EIF5B: variants seen among roughly 807,000 people sequenced by gnomAD.
EIF5B encodes eIF-5B.
EIF5B carries 47 observed loss-of-function variants against 147.5 expected under a neutral mutation model. The observed-to-expected ratio is 0.32, with a 90% CI of 0.25 to 0.41. The LOEUF (loss-of-function observed/expected upper bound fraction) is 0.41. Ranked by LOEUF, EIF5B falls within the 10% of genes least tolerant of loss-of-function variation. EIF5B has a pLI of 1.00. For synonymous variants in EIF5B, 455 were observed against 456.2 expected, an observed-to-expected ratio of 1.00 and a Z score of 0.03; for missense variants, 1,064 against 1,413.2, an observed-to-expected ratio of 0.75 and a Z score of 3.96.
intron 1 of EIF5B, among the ~76,000 whole-genome samples, chr2:99,352,250 C>T (rs1159709395): frequency 6.6e-6 from 1 of 152,012 alleles, no homozygotes; most frequent in African/African-American, 2.4e-5. Flanking sequence ...GGCTGGAGTG[C>T]AATGGTATGA....
At chr2:99,378,759 G>A (rs2104222023) in intron 10 of EIF5B, among the ~76,000 whole-genome samples, 1 of 152,220 alleles carries the variant, frequency 6.6e-6, no homozygotes, top group South Asian at 2.1e-4. Flanking sequence ...CAAAAATTTT[G>A]AAATGACACT....
Position 99,399,301 on chromosome 2 carries a change from T to C in EIF5B, c.3556-6T>C. The C allele has an allele frequency of 6.2e-7, 1 of 1,613,934 alleles. No homozygotes were observed. Among genetic ancestry groups the C allele is most frequent in the Non-Finnish European group, 8.5e-7 (1 of 1,179,910 alleles). ...GTTTACCCTGTTTGTGCCTCGGGCA[T>C]TGCAGATCAGCCGGCAGTCCATTGA... On this transcript the variant is annotated splice_region_variant and splice_polypyrimidine_tract_variant and intron_variant, in intron 23 of 23. Transcript: ENST00000289371.
chr2:99,363,938 T>C, intron 5 of EIF5B, 76 bp downstream of exon 5: 1 of 1,440,796 alleles, frequency 6.9e-7, no homozygotes, highest in Non-Finnish European at 9.4e-7. Context: ...ATCTTTACTC[T>C]TCTAATTCTG....
chr2:99,379,630 T>C (rs970459958), intron 12 of EIF5B, among the ~76,000 whole-genome samples: 2 of 152,184 alleles, frequency 1.3e-5, no homozygotes, highest in African/African-American at 4.8e-5. Context: ...GCTCTCACAT[T>C]CCATTTCCTT....
At chr2:99,380,412 C>A (rs1022089527) in intron 12 of EIF5B, among the ~76,000 whole-genome samples, 4 of 152,104 alleles carry the variant, frequency 2.6e-5, no homozygotes, top group Non-Finnish European at 5.9e-5. Flanking sequence ...TGCATTAGTC[C>A]ATTTCAGTTA....
At chr2:99,340,190 G>A (rs1348172489) in intron 1 of EIF5B, among the ~76,000 whole-genome samples, 1 of 152,044 alleles carries the variant, frequency 6.6e-6, no homozygotes. Context: ...TGGGAGATGG[G>A]GAATGGGAAG....
chr2:99,376,266 C>A (rs1674562161), intron 9 of EIF5B, 81 bp from the exon 10 acceptor site: 2 of 953,090 alleles, frequency 2.1e-6, no homozygotes, highest in Admixed American at 3.0e-5. Context: ...AGATTGGACA[C>A]CCCTGCTTTA....
intron 14 of EIF5B, among the ~76,000 whole-genome samples, chr2:99,385,129 C>G (rs1471397368): frequency 5.3e-5 from 8 of 152,154 alleles, no homozygotes; most frequent in African/African-American, 1.9e-4. Context: ...TCACCGCAAC[C>G]TCTGCCTTCC....
chr2:99,338,272 C>A (rs4850901), intron 1 of EIF5B: 564,218 of 1,269,944 alleles, frequency 0.44, 128,724 homozygotes, highest in East Asian at 0.64. Context: ...TAACCACCTG[C>A]AATGCTTTGG....
chr2:99,364,914 A>G lies in EIF5B; in HGVS notation c.1288+493A>G, dbSNP rs188823355. Among the ~76,000 whole-genome samples, 48 of 152,322 alleles carry G rather than the reference A, an allele frequency of 3.2e-4. 3 individuals carry two copies. The highest frequency in any genetic ancestry group is 1.1e-3 in the African/African-American group (47 of 41,576). On this transcript the variant is annotated intron_variant, in intron 6 of 23. Coordinates refer to ENST00000289371, the MANE Select transcript of EIF5B (RefSeq NM_015904.4). ...AACCCTTTCCTTACTTTCTGATGCA[A>G]CAAGATATCCCAGGTTCATCTTGCA...
At chr2:99,340,039 G>A (rs187713020) in intron 1 of EIF5B, among the ~76,000 whole-genome samples, 63 of 152,260 alleles carry the variant, frequency 4.1e-4, no homozygotes, top group African/African-American at 1.5e-3. Context: ...TACATTTTGT[G>A]AGTGTGTGTG....
At position 99,382,296 on chromosome 2, in the gene EIF5B, A is replaced by G. The variant is rs1450546492; in HGVS notation, c.2129+70A>G. 6 of 1,354,322 alleles carry G rather than the reference A, an allele frequency of 4.4e-6. No individual in the cohort carries two copies. In the African/African-American group the frequency reaches 7.2e-5, roughly 16 times the overall value. 83.9% of individuals were successfully genotyped at this position (1,354,322 alleles called of 1,614,324 possible). On this transcript the variant is annotated intron_variant, in intron 13 of 23. Coordinates refer to ENST00000289371, the MANE Select transcript of EIF5B (RefSeq NM_015904.4). ...ACCATTAAGTCTAAAAGTTCAGCAG[A>G]GTCATTAACCTTTGAGTAGTAATTT...
At chr2:99,369,083 G>A (rs1365387186) in intron 7 of EIF5B, among the ~76,000 whole-genome samples, 2 of 152,166 alleles carry the variant, frequency 1.3e-5, no homozygotes, top group Non-Finnish European at 2.9e-5. Flanking sequence ...GACCAGCCTG[G>A]CCAACATGAT....
In EIF5B at chr2:99,364,255, A is replaced by G; in HGVS notation, c.1138-16A>G. The G allele has an allele frequency of 4.5e-6, 7 of 1,571,984 alleles. No homozygotes were observed. Among genetic ancestry groups the G allele is most frequent in the Non-Finnish European group, 4.3e-6 (5 of 1,166,270 alleles). ...TAAATGAATACAGGTTTTGTCTGAC[A>G]TGTACTCTTTTATAGGAACGATTGG... is the stretch of plus-strand genomic sequence containing the variant. On this transcript the variant is annotated splice_polypyrimidine_tract_variant and intron_variant, in intron 5 of 23. Coordinates refer to ENST00000289371, the MANE Select transcript of EIF5B (RefSeq NM_015904.4).
rs769150544 is a variant in EIF5B, at chr2:99,379,393, G to A, written c.2026G>A (p.Glu676Lys). 3 of 1,613,462 alleles carry A rather than the reference G, an allele frequency of 1.9e-6. No homozygotes were observed. The highest frequency in any genetic ancestry group is 8.5e-7 in the Non-Finnish European group (1 of 1,179,578). ...QQIGATNVPL[E>K]AINEQTKMIK... ...AATTGGGGCCACCAATGTTCCTCTT[G>A]AAGCTATTAATGAACAGACTAAGAT... Residue 676 changes from glutamate to lysine, a missense_variant, in exon 12 of 24, where the codon GAA (glutamate) becomes AAA (lysine). This residue lies in a region of EIF5B where 380 missense variants were observed against 715.6 expected (regional missense o/e 0.53). Transcript: ENST00000289371.
At chr2:99,360,618 G>C in intron 3 of EIF5B, 69 bp downstream of exon 3, 1 of 1,492,616 alleles carries the variant, frequency 6.7e-7, no homozygotes, top group South Asian at 1.3e-5. Context: ...GTTGGTTTGG[G>C]GAGCTACATT....
At chr2:99,390,502 G>A (rs775044219) in intron 16 of EIF5B, 42 bp from the exon 17 acceptor site, 29 of 1,594,476 alleles carry the variant, frequency 1.8e-5, no homozygotes, top group Non-Finnish European at 2.3e-5. Flanking sequence ...TGAACATGGT[G>A]CATTGTATGT....
Position 99,394,407 on chromosome 2 carries a change from C to A in EIF5B, c.3012+9C>A. Reference sequence around the variant, plus strand: ...AAACATCAGAAGTGCCCGTAAGTAACTACAACTCGCTCCACAAGTGAATGG... The same window carrying A: ...AAACATCAGAAGTGCCCGTAAGTAAATACAACTCGCTCCACAAGTGAATGG... On this transcript the variant is annotated intron_variant, in intron 19 of 23. Coordinates refer to ENST00000289371, the MANE Select transcript of EIF5B (RefSeq NM_015904.4). 6.2e-7 allele frequency: 1 copy of A among 1,613,712 alleles called. No homozygotes were observed. The highest frequency in any genetic ancestry group is 8.5e-7 in the Non-Finnish European group (1 of 1,179,910).
chr2:99,349,741 G>T (rs1003812224), intron 1 of EIF5B, among the ~76,000 whole-genome samples: 1 of 152,190 alleles, frequency 6.6e-6, no homozygotes, highest in African/African-American at 2.4e-5. Context: ...TGTATACATT[G>T]TGTAATGATC....
Sources: allele counts gnomAD v4.1 joint callset (sites outside exome capture counted in the v4.1 genomes callset), GRCh38; gene constraint gnomAD v4.1.1; regional missense constraint gnomAD v4.1.1; transcripts MANE v1.5; gene names NCBI Gene and HGNC (gene_info 2026-07-23, HGNC 2026-07-21).